The following ARHGAP10 variants were observed in gnomAD, a reference collection of about 807,000 sequenced individuals.
ARHGAP10 encodes the protein Rho GTPase activating protein 10.
ARHGAP10 carries 87 observed loss-of-function variants against 108.6 expected under a neutral mutation model. The ratio of observed to expected loss-of-function variants is 0.80; its 90% CI spans 0.67 to 0.96. The LOEUF (loss-of-function observed/expected upper bound fraction) is 0.96. ARHGAP10 is among the 40% of genes least tolerant of loss of function. The pLI is 0.00. For synonymous variants in ARHGAP10, 347 were observed against 341.1 expected, an observed-to-expected ratio of 1.02 and a Z score of -0.19; for missense variants, 939 against 954.5, an observed-to-expected ratio of 0.98 and a Z score of 0.21.
intron 1 of ARHGAP10, among the ~76,000 whole-genome samples, chr4:147,788,566 A>G (rs1020062024): frequency 5.9e-5 from 9 of 152,226 alleles, no homozygotes; most frequent in Non-Finnish European, 1.0e-4. Flanking sequence ...TAAGGAGATC[A>G]GCACATGGGG....
chr4:147,937,601 A>G (rs72617450), intron 13 of ARHGAP10, among the ~76,000 whole-genome samples: 31,088 of 152,198 alleles, frequency 0.2, 7,059 homozygotes, highest in African/African-American at 0.55. Flanking sequence ...ATACACACAC[A>G]TGCACATGTA....
chr4:148,070,523 A>C (rs1730124156), intron 22 of ARHGAP10, among the ~76,000 whole-genome samples: 1 of 152,246 alleles, frequency 6.6e-6, no homozygotes, highest in South Asian at 2.1e-4. Flanking sequence ...AACTGTGGGC[A>C]GCTATACCTT....
intron 7 of ARHGAP10, among the ~76,000 whole-genome samples, chr4:147,868,895 C>T (rs770008104): frequency 6.6e-6 from 1 of 152,142 alleles, no homozygotes; most frequent in Non-Finnish European, 1.5e-5. Context: ...CGGTTCCTAA[C>T]AGGCCATGGA....
chr4:147,831,393 G>A (rs1259534806), intron 3 of ARHGAP10, among the ~76,000 whole-genome samples: 1 of 152,036 alleles, frequency 6.6e-6, no homozygotes, highest in Non-Finnish European at 1.5e-5. Flanking sequence ...AGTTCTTATA[G>A]GATAAGTACC....
intron 3 of ARHGAP10, among the ~76,000 whole-genome samples, chr4:147,830,079 G>A (rs11724795): frequency 0.71 from 108,624 of 152,206 alleles, 44,526 homozygotes; most frequent in Non-Finnish European, 0.91. Context: ...TCTTGTCCAC[G>A]GCTGCACCCC....
chr4:148,018,358 G>T lies in ARHGAP10; in HGVS notation c.1717-4905G>T, dbSNP rs1053572869. ...CAGTAGTTCCAGAATTGGCAAATCA[G>T]TATTATGTTTGTGTATATATTATAT... On this transcript the variant is annotated intron_variant, in intron 18 of 22. Transcript: ENST00000336498. Among the ~76,000 whole-genome samples the T allele has an allele frequency of 2.8e-4, 42 of 152,216 alleles. No individual in the cohort carries two copies. The East Asian group carries it at 7.3e-3, about 27-fold the overall frequency.
intron 14 of ARHGAP10, among the ~76,000 whole-genome samples, chr4:147,940,593 G>A (rs956841921): frequency 6.6e-6 from 1 of 152,152 alleles, no homozygotes; most frequent in Non-Finnish European, 1.5e-5. Context: ...AACTCATCAG[G>A]CTAGAGGGCC....
chr4:147,877,754 G>A (rs1339532341), intron 8 of ARHGAP10, among the ~76,000 whole-genome samples: 1 of 150,414 alleles, frequency 6.6e-6, no homozygotes, highest in Non-Finnish European at 1.5e-5. Flanking sequence ...AAGGGGTTCA[G>A]AGAGTGTTCT....
In ARHGAP10 at chr4:147,918,112, ATAATT is replaced by A. The variant is rs199570711; in HGVS notation, c.1228+4977_1228+4981del. On this transcript the variant is annotated intron_variant, in intron 13 of 22. Transcript: ENST00000336498. Reference sequence around the variant, plus strand: ...GGATTTTGGAGGCTGAATAAGAAAAATAATTTAAACTCTCATTAAGATTTTTTTTT... The same window carrying A: ...GGATTTTGGAGGCTGAATAAGAAAAATAAACTCTCATTAAGATTTTTTTTT... Among the ~76,000 whole-genome samples, 911 of 151,608 alleles carry A rather than the reference ATAATT, an allele frequency of 6.0e-3. 13 individuals are homozygous for A. Among genetic ancestry groups the A allele is most frequent in the African/African-American group, 0.021 (848 of 41,050 alleles).
At chr4:147,985,918 CACTT>C (rs557064473) in intron 18 of ARHGAP10, among the ~76,000 whole-genome samples, 76 of 152,316 alleles carry the variant, frequency 5.0e-4, no homozygotes, top group African/African-American at 1.8e-3. Flanking sequence ...AGGCTTCACT[CACTT>C]TTACCAGCCA....
intron 14 of ARHGAP10, among the ~76,000 whole-genome samples, chr4:147,940,259 G>A (rs761001940): frequency 5.9e-5 from 9 of 152,128 alleles, no homozygotes; most frequent in Non-Finnish European, 1.2e-4. Flanking sequence ...ACTGGGACTC[G>A]CTCATTTTTA....
intron 13 of ARHGAP10, among the ~76,000 whole-genome samples, chr4:147,929,490 C>G (rs1737587209): frequency 6.6e-6 from 1 of 151,868 alleles, no homozygotes; most frequent in Non-Finnish European, 1.5e-5. Context: ...TTTATGTAAC[C>G]CAGTGCAGCA....
intron 16 of ARHGAP10, among the ~76,000 whole-genome samples, chr4:147,962,618 G>A (rs1739043295): frequency 6.6e-6 from 1 of 151,974 alleles, no homozygotes. Flanking sequence ...TAAATCATAG[G>A]GCATCTATAT....
At chr4:147,878,534 T>G (rs1735178325) in intron 8 of ARHGAP10, among the ~76,000 whole-genome samples, 1 of 152,184 alleles carries the variant, frequency 6.6e-6, no homozygotes, top group African/African-American at 2.4e-5. Flanking sequence ...TTCTATCATT[T>G]TGAGAGGCCA....
At chr4:147,809,584 G>A (rs1263228569) in intron 1 of ARHGAP10, among the ~76,000 whole-genome samples, 1 of 152,112 alleles carries the variant, frequency 6.6e-6, no homozygotes, top group Admixed American at 6.6e-5. Flanking sequence ...GCTGGTCACT[G>A]GTGACACGGG....
At chr4:148,059,706 G>C (rs1729517782) in intron 20 of ARHGAP10, among the ~76,000 whole-genome samples, 1 of 152,078 alleles carries the variant, frequency 6.6e-6, no homozygotes, top group South Asian at 2.1e-4. Flanking sequence ...AACTGTGAAG[G>C]GTCTGAAACC....
At chr4:148,033,797 T>C (rs1260746088) in intron 19 of ARHGAP10, among the ~76,000 whole-genome samples, 1 of 152,226 alleles carries the variant, frequency 6.6e-6, no homozygotes, top group Non-Finnish European at 1.5e-5. Context: ...AGAGACTTCA[T>C]TGGCACTAAC....
chr4:147,889,158 A>G (rs976796847), intron 10 of ARHGAP10, among the ~76,000 whole-genome samples: 3 of 152,234 alleles, frequency 2.0e-5, no homozygotes, highest in African/African-American at 7.2e-5. Context: ...TCAGTCAACT[A>G]TCCTTTTCTT....
Position 147,946,694 on chromosome 4 carries a change from C to G in ARHGAP10, c.1381C>G (p.Gln461Glu). The G allele has an allele frequency of 6.2e-7, 1 of 1,608,800 alleles. No homozygotes were observed. The highest frequency in any genetic ancestry group is 8.5e-7 in the Non-Finnish European group (1 of 1,178,160). Residue 461 changes from glutamine (Q) to glutamate (E), a missense_variant, in exon 15 of 23, where the codon CAG becomes GAG. Coordinates refer to ENST00000336498, the MANE Select transcript of ARHGAP10 (RefSeq NM_024605.4). ...GAAGACAATAACAAGTGCCTTGAAACAGTATTTGAGGTAAGCTCCTCTCAG... is the reference window on the plus strand; with the variant it reads ...GAAGACAATAACAAGTGCCTTGAAAGAGTATTTGAGGTAAGCTCCTCTCAG... ...EVKTITSALK[Q>E]YLRSLPEPLM...
Sources: gnomAD v4.1 joint callset for allele counts (sites outside exome capture counted in the v4.1 genomes callset) on GRCh38, gnomAD v4.1.1 for gene constraint, MANE v1.5 for transcripts, NCBI Gene and HGNC (gene_info 2026-07-23, HGNC 2026-07-21) for gene names.